Variants in FAM187A observed in about 807,000 individuals in gnomAD.
FAM187A encodes the protein Ig-like V-type domain-containing protein FAM187A.
FAM187A carries 4 observed loss-of-function variants against 6.4 expected under a neutral mutation model. The ratio of observed to expected loss-of-function variants is 0.63; its 90% CI spans 0.31 to 1.44. FAM187A has a LOEUF of 1.44. Among genes scored for constraint, FAM187A ranks in the 40% most tolerant of loss-of-function variants. The probability of loss-of-function intolerance (pLI) is 0.07; values close to 1 mark genes in which losing one functional copy is unlikely to be tolerated. For synonymous variants in FAM187A, 221 were observed against 213.4 expected (o/e 1.04, Z -0.31); for missense variants, 463 against 542.2 (o/e 0.85, Z 1.45).
At chr17:44,904,623 G>A (rs2051622787) in exon 4 of FAM187A, 1 of 1,550,566 alleles carries the variant, frequency 6.4e-7, no homozygotes, top group African/African-American at 1.4e-5. Context: ...AAAGTGGGCA[G>A]CCGGCCCTGG....
exon 4 of FAM187A, chr17:44,904,714 G>C (rs1490964351): frequency 6.4e-7 from 1 of 1,550,498 alleles, no homozygotes; most frequent in East Asian, 2.4e-5. Flanking sequence ...CCCGGCCAGA[G>C]CATGCAGTGG....
rs2145620328 is a variant in FAM187A, at chr17:44,904,696, TC to T, written c.869del (p.Pro290LeufsTer24). On this transcript the variant is annotated frameshift_variant, in exon 4 of 4. Transcript: ENST00000331733. LOFTEE classifies it low-confidence loss of function (END_TRUNC). ...TGGGCCATGGACTCATCATCTCCTGTCCTGGGGCCCGGCCAGAGCATGCAGT... is the reference window on the plus strand; with the variant it reads ...TGGGCCATGGACTCATCATCTCCTGTCTGGGGCCCGGCCAGAGCATGCAGT... 6.4e-7 allele frequency: 1 copy of T among 1,550,558 alleles called. No homozygotes were observed. The highest frequency in any genetic ancestry group is 2.4e-5 in the East Asian group (1 of 40,922).
At chr17:44,905,371 C>A in exon 4 of FAM187A, 1 of 384,268 alleles carries the variant, frequency 2.6e-6, no homozygotes, top group Non-Finnish European at 5.0e-6. Context: ...GTGGTAAACA[C>A]TGATCAGTGT....
chr17:44,904,082 C>A (rs772187555), exon 4 of FAM187A: 1 of 1,550,602 alleles, frequency 6.4e-7, no homozygotes. Context: ...CTTTGATGGG[C>A]GGGTGCTGAC....
At chr17:44,903,632 A>G in exon 4 of FAM187A, 1 of 1,431,248 alleles carries the variant, frequency 7.0e-7, no homozygotes, top group South Asian at 1.5e-5. Context: ...CTGGAATGTT[A>G]GAAGGGCATC....
chr17:44,903,620 G>T (rs2051600203), exon 4 of FAM187A: 1 of 1,430,104 alleles, frequency 7.0e-7, no homozygotes, highest in Non-Finnish European at 9.1e-7. Context: ...CTGAGATCAG[G>T]TCTGGAATGT....
At chr17:44,905,231 G>A (rs1176585719) in exon 4 of FAM187A, 8 of 635,428 alleles carry the variant, frequency 1.3e-5, no homozygotes, top group Non-Finnish European at 1.9e-5. Context: ...TCTGGGACCT[G>A]ATCTGAGAAG....
At chr17:44,905,207 TTTTC>T in exon 4 of FAM187A, 1 of 702,124 alleles carries the variant, frequency 1.4e-6, no homozygotes, top group Non-Finnish European at 2.4e-6. Flanking sequence ...CTGCTCCCCA[TTTTC>T]ATGGGCAGGT....
chr17:44,905,120 A>G, exon 4 of FAM187A: 1 of 1,403,166 alleles, frequency 7.1e-7, no homozygotes, highest in Non-Finnish European at 9.7e-7. Flanking sequence ...GTGTTTGTTA[A>G]ATGATACCAG....
chr17:44,904,336 C>T (rs1344951092), exon 4 of FAM187A: 2 of 1,541,992 alleles, frequency 1.3e-6, no homozygotes, highest in African/African-American at 2.7e-5. Flanking sequence ...TCCATGTCTT[C>T]ACCACCTTCT....
At position 44,904,720 on chromosome 17, in the gene FAM187A, A is replaced by G. The variant is rs868304142; in HGVS notation, c.891A>G (p.Ala297=). ...GTCCTGGGGCCCGGCCAGAGCATGC[A>G]GTGGCCTGGGACAAAGACCGCCAGC... The change falls in exon 4 of 4, where the codon GCA becomes GCG. Residue 297 remains alanine, a synonymous_variant. Coordinates refer to ENST00000331733, the Ensembl canonical transcript of FAM187A. 8.8e-5 allele frequency: 137 copies of G among 1,550,576 alleles called. No homozygotes were observed. The Middle Eastern group carries it at 1.2e-3, about 13-fold the overall frequency.
chr17:44,903,651 C>G lies in FAM187A; in HGVS notation c.-179C>G, dbSNP rs1294164499. On this transcript the variant is annotated 5_prime_UTR_variant, in exon 4 of 4. The change creates a new upstream start codon in the 5' untranslated region. Transcript: ENST00000331733. ...AATGTTAGAAGGGCATCTTGTACAT[C>G]CACTGGGAATAAATTGCCTTGCACT... The G allele has an allele frequency of 1.4e-6, 2 of 1,433,022 alleles. No individual in the cohort carries two copies. Among genetic ancestry groups the G allele is most frequent in the African/African-American group, 2.9e-5 (2 of 69,662 alleles). The allele number at this position is 1,433,022 out of a possible 1,614,324, so 88.8% of individuals were successfully genotyped here.
At chr17:44,905,049 G>C in exon 4 of FAM187A, 1 of 1,545,526 alleles carries the variant, frequency 6.5e-7, no homozygotes, top group South Asian at 1.2e-5. Context: ...TTATTTCACT[G>C]TTGTCCCAGC....
At chr17:44,903,718 C>T in exon 4 of FAM187A, 1 of 1,445,242 alleles carries the variant, frequency 6.9e-7, no homozygotes, top group Non-Finnish European at 9.1e-7. Context: ...TTCCTGGCTG[C>T]ATAATCCTTT....
chr17:44,904,658 C>G lies in FAM187A; in HGVS notation c.829C>G (p.His277Asp), dbSNP rs573962108. Residue 277 changes from histidine to aspartate, a missense_variant, in exon 4 of 4, where the codon CAC (histidine) becomes GAC (aspartate). Physicochemically the swap from His to Asp is moderately conservative, Grantham distance 81 (BLOSUM62 -1). Transcript: ENST00000331733. ...GGTGCCCCAGGTGCCCATTCAGTTC[C>G]ACCAGCAGAGACTGGGCCATGGACT... 6.0e-5 allele frequency: 93 copies of G among 1,550,568 alleles called. No homozygotes were observed. In the African/African-American group the frequency reaches 1.2e-3, roughly 20 times the overall value.
chr17:44,904,380 G>T, exon 4 of FAM187A: 1 of 1,542,348 alleles, frequency 6.5e-7, no homozygotes, highest in Non-Finnish European at 8.8e-7. Context: ...TGCGGAGTGC[G>T]TGGGGAGCAG....
exon 4 of FAM187A, chr17:44,904,487 C>G (rs1386227384): frequency 6.5e-7 from 1 of 1,548,010 alleles, no homozygotes; most frequent in South Asian, 1.2e-5. Flanking sequence ...AAGGGCTGTG[C>G]CAAGGAAGCT....
chr17:44,904,373 G>A (rs905239461), exon 4 of FAM187A: 22 of 1,543,466 alleles, frequency 1.4e-5, no homozygotes, highest in Middle Eastern at 1.7e-4. Flanking sequence ...TGACCGCTGC[G>A]GAGTGCGTGG....
chr17:44,904,881 T>A (rs564383174), exon 4 of FAM187A: 2 of 1,550,658 alleles, frequency 1.3e-6, no homozygotes, highest in Non-Finnish European at 1.7e-6. Flanking sequence ...CAGGGTGTGC[T>A]AGTTGCTGGC....
Sources: allele counts gnomAD v4.1 joint callset, GRCh38; gene constraint gnomAD v4.1.1; transcripts MANE v1.5; gene names NCBI Gene and HGNC (gene_info 2026-07-23, HGNC 2026-07-21).